DLG2: variants seen among roughly 807,000 people sequenced by gnomAD.
The protein encoded by DLG2 is discs large MAGUK scaffold protein 2.
In DLG2, 45 loss-of-function variants were observed where a neutral mutation model predicts 132.5. The observed-to-expected ratio is 0.34, with a 90% CI of 0.27 to 0.44. The LOEUF is 0.44. DLG2 is among the 20% of genes least tolerant of loss of function. The probability of loss-of-function intolerance (pLI) is 1.00; values close to 1 mark genes in which losing one functional copy is unlikely to be tolerated. For missense variants in DLG2, 1,045 were observed against 1,196.9 expected, an observed-to-expected ratio of 0.87 and a Z score of 1.87; for synonymous variants, 424 against 419.6, an observed-to-expected ratio of 1.01 and a Z score of -0.13.
At chr11:85,264,590 G>C (rs2077106982) in intron 4 of DLG2, among the ~76,000 whole-genome samples, 1 of 151,986 alleles carries the variant, frequency 6.6e-6, no homozygotes, top group Non-Finnish European at 1.5e-5. Flanking sequence ...CATAATAAGG[G>C]CTATTGATGA....
chr11:84,720,191 C>T (rs1310775650), intron 6 of DLG2: 2 of 893,660 alleles, frequency 2.2e-6, no homozygotes, highest in Non-Finnish European at 2.7e-6. Flanking sequence ...GCAGTCGCAG[C>T]TTCTGTCACT....
chr11:84,268,884 A>G (rs2097683593), intron 7 of DLG2, among the ~76,000 whole-genome samples: 1 of 152,178 alleles, frequency 6.6e-6, no homozygotes, highest in Non-Finnish European at 1.5e-5. Flanking sequence ...GTACTCAGTA[A>G]ATATTAACTA....
At chr11:83,540,159 T>C (rs1354462994) in intron 20 of DLG2, among the ~76,000 whole-genome samples, 1 of 152,218 alleles carries the variant, frequency 6.6e-6, no homozygotes, top group Non-Finnish European at 1.5e-5. Context: ...GATGGCTCTT[T>C]CTTCTAGAGA....
At chr11:85,448,691 C>T (rs2092113680) in intron 3 of DLG2, among the ~76,000 whole-genome samples, 1 of 152,158 alleles carries the variant, frequency 6.6e-6, no homozygotes, top group African/African-American at 2.4e-5. Flanking sequence ...GAAGTAGCCT[C>T]TATTTAGGAT....
rs1555286926 is a variant in DLG2, at chr11:83,646,357, C to CAGAGAG, written c.1826-13038_1826-13033dup. On this transcript the variant is annotated intron_variant, in intron 18 of 27. Transcript: ENST00000376104. ...ATTTAATAGGCTTTCAGATATGAAACAGAGAGAGAGAGAGAGAGAGGAAGG... is the reference window on the plus strand; with the variant it reads ...ATTTAATAGGCTTTCAGATATGAAACAGAGAGAGAGAGAGAGAGAGAGAGAGGAAGG... Among the ~76,000 whole-genome samples the CAGAGAG allele has an allele frequency of 9.0e-3, 1,138 of 126,288 alleles. 11 individuals carry two copies. The highest frequency in any genetic ancestry group is 0.028 in the African/African-American group (1,049 of 37,618). The allele number at this position is 126,288 out of a possible 152,430, so 82.8% of individuals were successfully genotyped here. A position where few individuals can be genotyped will look rare whatever the true frequency, so the allele number is the denominator to read the frequency against.
chr11:83,774,523 T>C (rs897986640), intron 18 of DLG2, among the ~76,000 whole-genome samples: 6 of 152,184 alleles, frequency 3.9e-5, no homozygotes, highest in Non-Finnish European at 7.3e-5. Context: ...ATGGTGGAGC[T>C]GGAATTTGAA....
intron 3 of DLG2, among the ~76,000 whole-genome samples, chr11:85,518,873 T>C (rs577432988): frequency 1.2e-4 from 18 of 152,034 alleles, no homozygotes; most frequent in Non-Finnish European, 2.5e-4. Flanking sequence ...TGACTAAAAG[T>C]GGTCAAGGTA....
intron 6 of DLG2, among the ~76,000 whole-genome samples, chr11:84,991,522 A>AG (rs1466150361): frequency 9.1e-5 from 13 of 142,406 alleles, no homozygotes; most frequent in South Asian, 4.5e-4. Flanking sequence ...AAAAAAAAAA[A>AG]AAAAGAAAGA....
At chr11:84,202,148 C>T (rs1212915780) in intron 8 of DLG2, among the ~76,000 whole-genome samples, 1 of 151,736 alleles carries the variant, frequency 6.6e-6, no homozygotes, top group Non-Finnish European at 1.5e-5. Flanking sequence ...CCAAAAAGAG[C>T]CCAAATAGCC....
chr11:85,409,417 G>C (rs1191539375), intron 3 of DLG2, among the ~76,000 whole-genome samples: 1 of 151,848 alleles, frequency 6.6e-6, no homozygotes, highest in East Asian at 1.9e-4. Flanking sequence ...ATATAAAAAT[G>C]TCTACATCAG....
chr11:83,551,539 A>G lies in DLG2; in HGVS notation c.1941-9681T>C, dbSNP rs145074940. ...TAAGTAATGACATTTACACACCACA[A>G]TATCAGACAGTTGGGCAATCACTTT... On this transcript the variant is annotated intron_variant, in intron 19 of 27. Transcript: ENST00000376104. Among the ~76,000 whole-genome samples, 1,209 of 152,286 alleles carry G rather than the reference A, an allele frequency of 7.9e-3. 24 individuals are homozygous for G. The highest frequency in any genetic ancestry group is 0.027 in the African/African-American group (1,141 of 41,572).
intron 3 of DLG2, among the ~76,000 whole-genome samples, chr11:85,487,491 A>C (rs1456653927): frequency 1.3e-5 from 2 of 151,820 alleles, no homozygotes; most frequent in African/African-American, 4.8e-5. Flanking sequence ...AAAAGAACCA[A>C]ATAGAACTTA....
At chr11:83,884,734 T>C (rs902589176) in intron 15 of DLG2, among the ~76,000 whole-genome samples, 1 of 152,034 alleles carries the variant, frequency 6.6e-6, no homozygotes, top group African/African-American at 2.4e-5. Flanking sequence ...AGCCAGATAC[T>C]CCTCTGAGAC....
chr11:83,685,259 C>T (rs1026755414), intron 18 of DLG2, among the ~76,000 whole-genome samples: 7 of 152,136 alleles, frequency 4.6e-5, no homozygotes, highest in Non-Finnish European at 8.8e-5. Context: ...TAAGCACTTG[C>T]GGCAACAGGT....
chr11:83,667,975 CAAAAAAAAA>C (rs10688898), intron 18 of DLG2, among the ~76,000 whole-genome samples: 1 of 39,594 alleles, frequency 2.5e-5, no homozygotes, highest in Non-Finnish European at 4.0e-5. Flanking sequence ...GACTCCGTCT[CAAAAAAAAA>C]AAAAAAAAAA....
chr11:85,284,068 C>T (rs1161575112), intron 4 of DLG2, among the ~76,000 whole-genome samples: 1 of 151,700 alleles, frequency 6.6e-6, no homozygotes, highest in Non-Finnish European at 1.5e-5. Flanking sequence ...TGGATAAATG[C>T]TATTAGTGTA....
intron 8 of DLG2, among the ~76,000 whole-genome samples, chr11:84,206,463 C>T (rs2096666786): frequency 1.3e-5 from 2 of 151,958 alleles, no homozygotes; most frequent in African/African-American, 4.8e-5. Context: ...GATCAATATC[C>T]TCCAAGAACA....
chr11:84,502,270 CCTTCCTTCCTTCTTTCTTT>C (rs1567804812), intron 7 of DLG2, among the ~76,000 whole-genome samples: 1 of 51,086 alleles, frequency 2.0e-5, no homozygotes, highest in East Asian at 3.3e-4. Flanking sequence ...TTCCTTCCTT[CCTTCCTTCCTTCTTTCTTT>C]CTTTCTTTCT....
intron 18 of DLG2, among the ~76,000 whole-genome samples, chr11:83,783,444 T>C (rs1188375838): frequency 6.6e-6 from 1 of 152,224 alleles, no homozygotes; most frequent in Non-Finnish European, 1.5e-5. Flanking sequence ...TTGTTTGATA[T>C]TTTGCAATAC....
Sources: gnomAD v4.1 joint callset for allele counts (sites outside exome capture counted in the v4.1 genomes callset) on GRCh38, gnomAD v4.1.1 for gene constraint, MANE v1.5 for transcripts, NCBI Gene and HGNC (gene_info 2026-07-23, HGNC 2026-07-21) for gene names.